The following FMN1 variants were observed in gnomAD, a reference collection of about 807,000 sequenced individuals.
FMN1 encodes formin 1, also known as formin-1.
A neutral mutation model predicts 132.4 loss-of-function variants in FMN1; 110 were observed. The observed-to-expected ratio is 0.83, with a 90% CI of 0.71 to 0.97. FMN1 has a LOEUF of 0.97. FMN1 is among the 50% of genes least tolerant of loss of function. The pLI, the probability that FMN1 is intolerant of heterozygous loss-of-function variation, is 0.00. For missense variants in FMN1, 1,792 were observed against 1,705.3 expected (o/e 1.05, Z -0.90); for synonymous variants, 722 against 651.7 (o/e 1.11, Z -1.64).
chr15:33,031,371 A>T (rs186075634), intron 6 of FMN1, among the ~76,000 whole-genome samples: 113 of 152,270 alleles, frequency 7.4e-4, no homozygotes, highest in African/African-American at 2.6e-3. Flanking sequence ...TTCACAGAGG[A>T]CTTGCAATCC....
Position 33,071,831 on chromosome 15 carries a change from C to A in FMN1, c.2044-6757G>T, listed in dbSNP as rs2038010533. Among the ~76,000 whole-genome samples, 3 of 152,314 alleles carry A rather than the reference C, an allele frequency of 2.0e-5. 1 individual carries two copies. Among genetic ancestry groups the A allele is most frequent in the Middle Eastern group, 6.8e-3 (2 of 294 alleles). ...CAAATAAGCAACCTACAAATTCAAT[C>A]TAAATTGGTCTTGAAAAATGAATCT... On this transcript the variant is annotated intron_variant, in intron 5 of 20. Transcript: ENST00000616417.
chr15:33,066,868 G>C (rs1442375386), intron 5 of FMN1: 2 of 1,613,972 alleles, frequency 1.2e-6, no homozygotes, highest in South Asian at 2.2e-5. Flanking sequence ...CCAGGAGAGT[G>C]GGAGTGGCCT....
At chr15:32,777,702 A>G (rs1193498446) in intron 19 of FMN1, among the ~76,000 whole-genome samples, 1 of 138,736 alleles carries the variant, frequency 7.2e-6, no homozygotes, top group Non-Finnish European at 1.5e-5. Context: ...AACATATAAC[A>G]CATTTACTTA....
chr15:33,076,453 T>G (rs1037236553), intron 5 of FMN1, among the ~76,000 whole-genome samples: 1 of 152,148 alleles, frequency 6.6e-6, no homozygotes, highest in African/African-American at 2.4e-5. Flanking sequence ...TAGTTCGAAC[T>G]CCAAAGATCC....
At chr15:32,957,784 C>G (rs1357644699) in intron 9 of FMN1, among the ~76,000 whole-genome samples, 1 of 152,040 alleles carries the variant, frequency 6.6e-6, no homozygotes, top group Non-Finnish European at 1.5e-5. Flanking sequence ...GTGTTATTCC[C>G]AATTTCGTAG....
chr15:32,931,582 C>T (rs2061119087), intron 9 of FMN1, among the ~76,000 whole-genome samples: 1 of 152,018 alleles, frequency 6.6e-6, no homozygotes, highest in South Asian at 2.1e-4. Flanking sequence ...TTTCATAGTT[C>T]TTCACAGTTT....
At chr15:33,007,640 A>G (rs1360171394) in intron 7 of FMN1, among the ~76,000 whole-genome samples, 1 of 152,206 alleles carries the variant, frequency 6.6e-6, no homozygotes, top group East Asian at 1.9e-4. Flanking sequence ...TAAGAAACAT[A>G]CAGACATGAA....
intron 17 of FMN1, among the ~76,000 whole-genome samples, chr15:32,822,343 C>T (rs186559332): frequency 6.8e-4 from 103 of 151,398 alleles, no homozygotes; most frequent in Non-Finnish European, 1.4e-3. Flanking sequence ...GAGTGAGAGT[C>T]TGTCACAAAC....
intron 5 of FMN1, among the ~76,000 whole-genome samples, chr15:33,078,102 A>G (rs2038295059): frequency 6.6e-6 from 1 of 152,252 alleles, no homozygotes; most frequent in Non-Finnish European, 1.5e-5. Flanking sequence ...GGGGTTTAGC[A>G]TGAGATATTA....
At chr15:33,088,372 A>C (rs1197714125) in intron 5 of FMN1, among the ~76,000 whole-genome samples, 2 of 152,212 alleles carry the variant, frequency 1.3e-5, no homozygotes, top group Non-Finnish European at 2.9e-5. Context: ...GCTGGAGAGA[A>C]AGGTTCATGA....
chr15:32,788,111 C>T (rs954110766), intron 19 of FMN1, among the ~76,000 whole-genome samples: 4 of 152,174 alleles, frequency 2.6e-5, no homozygotes, highest in African/African-American at 9.6e-5. Context: ...AGTCCTCTTC[C>T]GTTTGCAGAG....
At chr15:33,182,636 G>T (rs1354779404) in intron 2 of FMN1, among the ~76,000 whole-genome samples, 4 of 152,140 alleles carry the variant, frequency 2.6e-5, no homozygotes, top group African/African-American at 9.7e-5. Flanking sequence ...AGTTACATAG[G>T]GTGATGCAGA....
intron 11 of FMN1, among the ~76,000 whole-genome samples, chr15:32,909,813 T>C (rs1166022786): frequency 3.3e-5 from 5 of 152,140 alleles, no homozygotes; most frequent in South Asian, 2.1e-4. Context: ...AAAAACCTTA[T>C]ATGTGTACAG....
intron 17 of FMN1, among the ~76,000 whole-genome samples, chr15:32,834,545 C>T (rs1252478714): frequency 6.6e-6 from 1 of 152,178 alleles, no homozygotes; most frequent in African/African-American, 2.4e-5. Flanking sequence ...ATTAATAGTT[C>T]CTCCAAACAA....
At chr15:33,155,817 A>T (rs1964649875) in intron 3 of FMN1, among the ~76,000 whole-genome samples, 2 of 152,182 alleles carry the variant, frequency 1.3e-5, no homozygotes, top group African/African-American at 4.8e-5. Flanking sequence ...AAACGGCTGA[A>T]ATGTCACATA....
intron 13 of FMN1, 31 bp from the exon 14 acceptor site, chr15:32,900,156 C>A (rs2060260805): frequency 6.2e-7 from 1 of 1,611,940 alleles, no homozygotes. Flanking sequence ...TATTACGGAG[C>A]TGAACTCCAA....
chr15:33,003,239 A>G lies in FMN1; in HGVS notation c.2223+4775T>C, dbSNP rs559116666. Among the ~76,000 whole-genome samples, 3 of 152,354 alleles carry G rather than the reference A, an allele frequency of 2.0e-5. No individual in the cohort carries two copies. In the East Asian group the frequency reaches 5.8e-4, roughly 29 times the overall value. Reference sequence around the variant, plus strand: ...GAGAAGGAAATAAAGGGCATTCAATAGGAAAAGAGAAAGTCAAATTGTCCC... The same window carrying G: ...GAGAAGGAAATAAAGGGCATTCAATGGGAAAAGAGAAAGTCAAATTGTCCC... On this transcript the variant is annotated intron_variant, in intron 7 of 20. Transcript: ENST00000616417.
chr15:33,084,388 A>G (rs562529015), intron 5 of FMN1, among the ~76,000 whole-genome samples: 102 of 152,174 alleles, frequency 6.7e-4, no homozygotes, highest in Non-Finnish European at 1.2e-3. Flanking sequence ...TTTGTATCCA[A>G]GTTGGACAGA....
At chr15:33,064,893 C>G (rs767598303) in intron 6 of FMN1, 64 bp downstream of exon 6, 4 of 1,124,544 alleles carry the variant, frequency 3.6e-6, no homozygotes, top group Non-Finnish European at 5.3e-6. Flanking sequence ...GTCAACTAAG[C>G]TAGAACTAAA....
Sources: gnomAD v4.1 joint callset for allele counts (sites outside exome capture counted in the v4.1 genomes callset) on GRCh38, gnomAD v4.1.1 for gene constraint, MANE v1.5 for transcripts, NCBI Gene and HGNC (gene_info 2026-07-23, HGNC 2026-07-21) for gene names.